The following BCL2L14 variants were observed in gnomAD, a reference collection of about 807,000 sequenced individuals.
The protein encoded by BCL2L14 is BCL2 like 14.
BCL2L14 carries 27 observed loss-of-function variants against 35.3 expected under a neutral mutation model. The ratio of observed to expected loss-of-function variants is 0.76; its 90% CI spans 0.56 to 1.05. The LOEUF (loss-of-function observed/expected upper bound fraction) is 1.05, where lower values mean the gene tolerates loss of function less well. Among genes scored for constraint, BCL2L14 ranks in the 50% least tolerant of loss-of-function variants. The pLI is 0.00. For missense variants in BCL2L14, 377 were observed against 382.6 expected (o/e 0.99, Z 0.12); for synonymous variants, 139 against 145.9 (o/e 0.95, Z 0.34).
At position 12,098,965 on chromosome 12, in the gene BCL2L14, A is replaced by G; in HGVS notation, c.961A>G (p.Ile321Val). 3.1e-6 allele frequency: 5 copies of G among 1,599,046 alleles called. No homozygotes were observed. The highest frequency in any genetic ancestry group is 4.3e-6 in the Non-Finnish European group (5 of 1,166,162). ...TCCCCTCTAGGAAAAAATACTTGGG[A>G]TATCACATGAAGAAGTAGACTGAAA... ...QHGGWEKILG[I>V]SHEEVD Residue 321 changes from isoleucine to valine, a missense_variant, in exon 6 of 6, where the codon ATA (isoleucine) becomes GTA (valine). Ile to Val is a conservative substitution (Grantham distance 29). Transcript: ENST00000308721.
chr12:12,053,895 A>C (rs1287401195), intron 2 of BCL2L14, among the ~76,000 whole-genome samples: 2 of 152,174 alleles, frequency 1.3e-5, no homozygotes, highest in Non-Finnish European at 2.9e-5. Context: ...GTGGCTGATC[A>C]GTTCAAACTA....
At chr12:12,058,639 A>G (rs1178710072) in intron 2 of BCL2L14, among the ~76,000 whole-genome samples, 1 of 147,454 alleles carries the variant, frequency 6.8e-6, no homozygotes, top group East Asian at 2.0e-4. Context: ...TCCTTTACCT[A>G]CCCAAATCCT....
chr12:12,090,966 A>T (rs1303761034), intron 4 of BCL2L14, 117 bp downstream of exon 4: 5 of 614,282 alleles, frequency 8.1e-6, no homozygotes, highest in Non-Finnish European at 1.3e-5. Flanking sequence ...GTTTCTACTT[A>T]GTCCTAAATT....
intron 1 of BCL2L14, among the ~76,000 whole-genome samples, chr12:12,073,600 G>A (rs755266951): frequency 3.5e-5 from 5 of 143,898 alleles, no homozygotes; most frequent in East Asian, 1.9e-4. Flanking sequence ...ATGCATGCAC[G>A]CGCACACACA....
chr12:12,077,948 T>C (rs1948819072), intron 1 of BCL2L14: 1 of 439,012 alleles, frequency 2.3e-6, no homozygotes, highest in African/African-American at 2.0e-5. Flanking sequence ...ACTGCTTTCC[T>C]AGCAGGAAAC....
chr12:12,066,252 CA>C (rs1948592778), upstream of BCL2L14, among the ~76,000 whole-genome samples: 1 of 152,204 alleles, frequency 6.6e-6, no homozygotes, highest in Admixed American at 6.5e-5. Context: ...TCTTTCATTT[CA>C]ACCAGTCACA....
At position 12,065,535 on chromosome 12, in the gene BCL2L14, CAA is replaced by C. The variant is rs138173926; in HGVS notation, c.-271-12157_-271-12156del. On this transcript the variant is annotated intron_variant, in intron 2 of 3. Coordinates refer to the BCL2L14 transcript ENST00000461264. ...TGGGCGACAGAGTGAGACTCCATCT[CAA>C]AAAAAAAAAAAAAGAAGAAGAAGTG... is the stretch of plus-strand genomic sequence containing the variant. 4.0e-3 allele frequency among the ~76,000 whole-genome samples: 513 copies of C among 126,716 alleles called. 2 individuals carry two copies. The highest frequency in any genetic ancestry group is 7.7e-3 in the African/African-American group (263 of 34,096). 83.1% of individuals were successfully genotyped at this position (126,716 alleles called of 152,430 possible). A position where few individuals can be genotyped will look rare whatever the true frequency, so the allele number is the denominator to read the frequency against.
At chr12:12,062,508 G>A (rs2136717237) in intron 2 of BCL2L14, among the ~76,000 whole-genome samples, 1 of 151,440 alleles carries the variant, frequency 6.6e-6, no homozygotes, top group East Asian at 1.9e-4. Context: ...ACTTCTCAGT[G>A]TTCCATCTGC....
At chr12:12,068,145 A>T, upstream of BCL2L14, 1 of 398,496 alleles carries the variant, frequency 2.5e-6, no homozygotes, top group Non-Finnish European at 4.4e-6. Context: ...GGTTATCACC[A>T]TGTTGCCCAG....
intron 1 of BCL2L14, among the ~76,000 whole-genome samples, chr12:12,051,232 A>G (rs574624627): frequency 6.6e-6 from 1 of 152,322 alleles, no homozygotes; most frequent in African/African-American, 2.4e-5. Flanking sequence ...TAGACTAGCA[A>G]GAGTCAAGAA....
intron 2 of BCL2L14, among the ~76,000 whole-genome samples, chr12:12,083,258 C>G (rs904162094): frequency 1.3e-5 from 2 of 152,318 alleles, no homozygotes; most frequent in African/African-American, 4.8e-5. Flanking sequence ...GCCACCGTGC[C>G]TGGCCTCACC....
chr12:12,079,418 G>T lies in BCL2L14; in HGVS notation c.113G>T (p.Ser38Ile), dbSNP rs1466600487. The change falls in exon 2 of 6, where the codon AGC becomes ATC. Residue 38 changes from serine (S) to isoleucine (I), a missense_variant. Coordinates refer to ENST00000308721, the MANE Select transcript of BCL2L14 (RefSeq NM_138723.2). ...AYYTRHHVFK[S>I]TPALFSPKLL... is the part of the protein sequence containing the mutation. Reference sequence around the variant, plus strand: ...TACACCAGACATCATGTCTTCAAGAGCACCCCTGCTCTCTTCTCACCAAAG... The same window carrying T: ...TACACCAGACATCATGTCTTCAAGATCACCCCTGCTCTCTTCTCACCAAAG... The T allele has an allele frequency of 4.3e-6, 7 of 1,614,058 alleles. No homozygotes were observed. The highest frequency in any genetic ancestry group is 5.9e-6 in the Non-Finnish European group (7 of 1,180,038).
intron 1 of BCL2L14, among the ~76,000 whole-genome samples, chr12:12,073,154 C>T (rs532732458): frequency 2.6e-5 from 4 of 152,320 alleles, no homozygotes; most frequent in South Asian, 2.1e-4. Context: ...GGATTACAGG[C>T]GTGAGCCACT....
intron 2 of BCL2L14, chr12:12,054,495 C>T (rs1397922882): frequency 1.1e-5 from 1 of 93,656 alleles, no homozygotes; most frequent in Non-Finnish European, 2.2e-5. Context: ...CAGAGCAAGA[C>T]TCCATCTCGA....
At chr12:12,051,561 T>C (rs1210486069) in intron 1 of BCL2L14, among the ~76,000 whole-genome samples, 1 of 143,274 alleles carries the variant, frequency 7.0e-6, no homozygotes, top group African/African-American at 2.4e-5. Context: ...TACCCCCTGG[T>C]AACTTTCAGC....
Position 12,075,774 on chromosome 12 carries a change from C to T in BCL2L14, c.-7-3525C>T, listed in dbSNP as rs113415772. 1.1e-3 allele frequency among the ~76,000 whole-genome samples: 169 copies of T among 152,142 alleles called. 2 individuals carry two copies. The highest frequency in any genetic ancestry group is 3.8e-3 in the African/African-American group (159 of 41,522). On this transcript the variant is annotated intron_variant, in intron 1 of 5. Transcript: ENST00000308721. The stretch of plus-strand genomic sequence containing the variant: ...AAGCTGTAGCAGTTCTCTGTCTTCA[C>T]CTTTTTTTGGCGCCATTTATTTGTT...
At chr12:12,065,229 T>A (rs537126939) in intron 2 of BCL2L14, among the ~76,000 whole-genome samples, 219 of 152,062 alleles carry the variant, frequency 1.4e-3, no homozygotes, top group African/African-American at 4.8e-3. Flanking sequence ...AAATATAAAT[T>A]TGTAAAAAAG....
intron 4 of BCL2L14, 85 bp downstream of exon 4, chr12:12,090,934 C>A: frequency 9.9e-7 from 1 of 1,014,342 alleles, no homozygotes; most frequent in Non-Finnish European, 1.4e-6. Flanking sequence ...AGGTTGCAAC[C>A]TTATTCCCTT....
intron 1 of BCL2L14, among the ~76,000 whole-genome samples, chr12:12,073,272 G>A (rs1014805545): frequency 5.7e-4 from 87 of 152,222 alleles, no homozygotes; most frequent in African/African-American, 1.9e-3. Flanking sequence ...GGAGGCCCCC[G>A]CTCCCTCCGC....
Sources: gnomAD v4.1 joint callset for allele counts (sites outside exome capture counted in the v4.1 genomes callset) on GRCh38, gnomAD v4.1.1 for gene constraint, MANE v1.5 for transcripts, NCBI Gene and HGNC (gene_info 2026-07-23, HGNC 2026-07-21) for gene names.